OTOG: variants seen among roughly 807,000 people sequenced by gnomAD.
OTOG encodes otogelin.
In OTOG, 296 loss-of-function variants were observed where a neutral mutation model predicts 313.8. The observed-to-expected ratio is 0.94, with a 90% CI of 0.86 to 1.04. The LOEUF is 1.04. OTOG is among the 50% of genes least tolerant of loss of function. OTOG has a pLI of 0.00. For missense variants in OTOG, 3,948 were observed against 3,840.1 expected (o/e 1.03, Z -0.74); for synonymous variants, 1,533 against 1,554.9 (o/e 0.99, Z 0.33).
In OTOG at chr11:17,573,062, G is replaced by C. The variant is rs1219909719; in HGVS notation, c.2081-16G>C. 4 of 1,533,346 alleles carry C rather than the reference G, an allele frequency of 2.6e-6. No individual in the cohort carries two copies. In the African/African-American group the frequency reaches 5.5e-5, roughly 21 times the overall value. 95.0% of individuals were successfully genotyped at this position (1,533,346 alleles called of 1,614,324 possible). A position where few individuals can be genotyped will look rare whatever the true frequency, so the allele number is the denominator to read the frequency against. The stretch of plus-strand genomic sequence containing the variant: ...CGACTCCCCTGACTGCCTGGCTCCT[G>C]TTCTTCCTTCCCCAGCCTCCTACTC... On this transcript the variant is annotated splice_polypyrimidine_tract_variant and intron_variant, in intron 18 of 55. Transcript: ENST00000399397.
At chr11:17,595,575 G>C (rs1590028588) in intron 28 of OTOG, among the ~76,000 whole-genome samples, 1 of 152,284 alleles carries the variant, frequency 6.6e-6, no homozygotes, top group South Asian at 2.1e-4. Flanking sequence ...GGCTCTACTG[G>C]GGAAGGAACT....
chr11:17,611,688 G>A (rs1853553083), intron 36 of OTOG, among the ~76,000 whole-genome samples: 1 of 152,178 alleles, frequency 6.6e-6, no homozygotes, highest in Admixed American at 6.5e-5. Flanking sequence ...GTGTGAGACT[G>A]CTGTGTGTGT....
intron 40 of OTOG, among the ~76,000 whole-genome samples, chr11:17,629,714 A>G (rs1854069550): frequency 6.6e-6 from 1 of 152,202 alleles, no homozygotes; most frequent in East Asian, 1.9e-4. Context: ...TAAAGAAGAA[A>G]GGGGGCTCAG....
In OTOG at chr11:17,575,020, C is replaced by T. The variant is rs1852493777; in HGVS notation, c.2486+108C>T. 9.6e-6 allele frequency: 11 copies of T among 1,148,986 alleles called. No homozygotes were observed. The South Asian group carries it at 1.8e-4, about 19-fold the overall frequency. 71.2% of individuals were successfully genotyped at this position (1,148,986 alleles called of 1,614,324 possible). On this transcript the variant is annotated intron_variant, in intron 20 of 55. Coordinates refer to ENST00000399397, the MANE Select transcript of OTOG (RefSeq NM_001292063.2). Reference sequence around the variant, plus strand: ...CTGGGCCTCTTGTGTCCCTCCTTCCCCTCACAGTTGCAGGCCAGACCTTGG... The same window carrying T: ...CTGGGCCTCTTGTGTCCCTCCTTCCTCTCACAGTTGCAGGCCAGACCTTGG...
Position 17,596,181 on chromosome 11 carries a change from C to A in OTOG, c.3525+27C>A, listed in dbSNP as rs577296384. ...TGAGTGTACCCCAGCCTCGGCTCCT[C>A]CCGAGTGCCCCCTCCACTGTCCTGG... On this transcript the variant is annotated intron_variant, in intron 29 of 55. Coordinates refer to ENST00000399397, the MANE Select transcript of OTOG (RefSeq NM_001292063.2). 25 of 1,464,394 alleles carry A rather than the reference C, an allele frequency of 1.7e-5. No individual in the cohort carries two copies. The East Asian group carries it at 6.2e-4, about 36-fold the overall frequency. 90.7% of individuals were successfully genotyped at this position (1,464,394 alleles called of 1,614,324 possible).
At chr11:17,597,507 C>G (rs1853141342) in intron 30 of OTOG, among the ~76,000 whole-genome samples, 1 of 152,202 alleles carries the variant, frequency 6.6e-6, no homozygotes, top group African/African-American at 2.4e-5. Flanking sequence ...CAGGTCCCAT[C>G]AGAGGCAGCA....
Position 17,547,447 on chromosome 11 carries a change from C to T in OTOG, c.75C>T (p.Ser25=). The change falls in exon 1 of 56, where the codon TCC becomes TCT. Residue 25 remains serine (S), a synonymous_variant. Transcript: ENST00000399397. ...WLPWGEQAAE[S]LRVQRLAAAP... Reference sequence around the variant, plus strand: ...CCTGGGGTGAGCAGGCAGCCGAGTCCCTGCGGGTGCAGCGCCTCGGTGAGA... The same window carrying T: ...CCTGGGGTGAGCAGGCAGCCGAGTCTCTGCGGGTGCAGCGCCTCGGTGAGA... 1.4e-6 allele frequency: 2 copies of T among 1,380,794 alleles called. No homozygotes were observed. The highest frequency in any genetic ancestry group is 1.9e-6 in the Non-Finnish European group (2 of 1,072,998). The allele number at this position is 1,380,794 out of a possible 1,614,324, so 85.5% of individuals were successfully genotyped here.
rs2134029791 is a variant in OTOG at position 17,574,804 on chromosome 11, C to T, written c.2378C>T (p.Ala793Val). 6.4e-7 allele frequency: 1 copy of T among 1,550,578 alleles called. No individual in the cohort carries two copies. The highest frequency in any genetic ancestry group is 2.4e-5 in the East Asian group (1 of 40,916). ...RTCQDLASPE[A>V]CGVDGGDDLS... Reference sequence around the variant, plus strand: ...TGCCAGGACCTGGCCAGCCCTGAGGCCTGTGGGGTTGATGGTGGCGATGAC... The same window carrying T: ...TGCCAGGACCTGGCCAGCCCTGAGGTCTGTGGGGTTGATGGTGGCGATGAC... Residue 793 changes from alanine (A) to valine (V), a missense_variant, in exon 20 of 56, where the codon GCC becomes GTC. Ala to Val is a moderately conservative substitution (Grantham distance 64, BLOSUM62 0). Coordinates refer to ENST00000399397, the MANE Select transcript of OTOG (RefSeq NM_001292063.2).
Position 17,574,889 on chromosome 11 carries a change from C to T in OTOG, c.2463C>T (p.Thr821=). ...GCCCACCGGACACCTATCTGGACAC[C>T]CAGGCTGACCTCTGTGTCCCCCGGT... The part of the protein sequence containing the change: ...CACPPDTYLD[T]QADLCVPRNQ... The change falls in exon 20 of 56, where the codon ACC becomes ACT. Residue 821 remains threonine (T), a synonymous_variant. Transcript: ENST00000399397. The T allele has an allele frequency of 6.6e-7, 1 of 1,526,498 alleles. No individual in the cohort carries two copies. The highest frequency in any genetic ancestry group is 8.8e-7 in the Non-Finnish European group (1 of 1,133,370). 94.6% of individuals were successfully genotyped at this position (1,526,498 alleles called of 1,614,324 possible). A position where few individuals can be genotyped will look rare whatever the true frequency, so the allele number is the denominator to read the frequency against.
chr11:17,562,061 A>G lies in OTOG; in HGVS notation c.1644+254A>G, dbSNP rs1220078585. ...CTAAAAAAAAAATATATATATATAT[A>G]TATATATATATGTATGTATATGAAA... On this transcript the variant is annotated intron_variant, in intron 15 of 55. Transcript: ENST00000399397. Among the ~76,000 whole-genome samples the G allele has an allele frequency of 6.1e-5, 9 of 146,418 alleles. No homozygotes were observed. The East Asian group carries it at 1.8e-3, about 29-fold the overall frequency.
chr11:17,633,866 C>A lies in OTOG; in HGVS notation c.7259C>A (p.Ala2420Asp), dbSNP rs1276782666. Residue 2420 changes from alanine to aspartate, a missense_variant, in exon 43 of 56, where the codon GCC (alanine) becomes GAC (aspartate). Transcript: ENST00000399397. ...RRHSALCIPEAKCACTDSMGV... is the reference protein window; with the variant it reads ...RRHSALCIPEDKCACTDSMGV... ...CACTCTGCACTCTGCATCCCGGAGG[C>A]CAAGTGCGGTAGGTTCCTCCCCTCC... is the stretch of plus-strand genomic sequence containing the variant. The A allele has an allele frequency of 6.5e-7, 1 of 1,536,564 alleles. No homozygotes were observed. Among genetic ancestry groups the A allele is most frequent in the East Asian group, 2.5e-5 (1 of 40,776 alleles).
intron 47 of OTOG, among the ~76,000 whole-genome samples, chr11:17,638,201 G>A (rs1213871097): frequency 1.3e-5 from 2 of 152,206 alleles, no homozygotes; most frequent in Non-Finnish European, 2.9e-5. Context: ...AGATTGAGGA[G>A]GCCCAATTTA....
chr11:17,590,900 A>G (rs1852915839), intron 24 of OTOG, among the ~76,000 whole-genome samples: 1 of 152,076 alleles, frequency 6.6e-6, no homozygotes, highest in Non-Finnish European at 1.5e-5. Flanking sequence ...CAACCACCCT[A>G]TTTAAAATTG....
intron 48 of OTOG, 128 bp from the exon 49 acceptor site, chr11:17,639,295 C>T (rs997009597): frequency 1.0e-6 from 1 of 976,184 alleles, no homozygotes; most frequent in East Asian, 2.6e-5. Context: ...CCTCTCCTCT[C>T]CCAGGCCTGG....
At chr11:17,596,183 C>A in intron 29 of OTOG, 29 bp downstream of exon 29, 1 of 1,466,270 alleles carries the variant, frequency 6.8e-7, no homozygotes, top group Non-Finnish European at 9.3e-7. Flanking sequence ...CGGCTCCTCC[C>A]GAGTGCCCCC....
rs1280524986 is a variant in OTOG, at chr11:17,645,799, A to G, written c.8597A>G (p.Asn2866Ser). Residue 2866 changes from asparagine (N) to serine (S), a missense_variant, in exon 56 of 56, where the codon AAC (asparagine) becomes AGC (serine). Coordinates refer to ENST00000399397, the MANE Select transcript of OTOG (RefSeq NM_001292063.2). The part of the protein sequence containing the change: ...RCPSASIYNY[N>S]INTYARFCKC... ...CCATCCGCCAGCATCTACAACTACA[A>G]CATCAACACCTATGCCCGATTCTGC... 1 of 1,551,048 alleles carries G rather than the reference A, an allele frequency of 6.4e-7. No individual in the cohort carries two copies. The highest frequency in any genetic ancestry group is 1.2e-5 in the South Asian group (1 of 84,052).
intron 17 of OTOG, 53 bp downstream of exon 17, chr11:17,570,443 G>T: frequency 2.0e-6 from 3 of 1,523,148 alleles, no homozygotes; most frequent in Non-Finnish European, 2.7e-6. Context: ...GCCCCTTAGG[G>T]CTGGGTATCT....
intron 3 of OTOG, among the ~76,000 whole-genome samples, chr11:17,550,855 A>C (rs7119071): frequency 0.52 from 79,539 of 152,088 alleles, 20,932 homozygotes; most frequent in South Asian, 0.59. Context: ...GGACACCAAA[A>C]TCTGGCTAAG....
rs554427980 is a variant in OTOG, at chr11:17,569,161, A to G, written c.1650A>G (p.Gln550=). 2 of 1,550,640 alleles carry G rather than the reference A, an allele frequency of 1.3e-6. No individual in the cohort carries two copies. Among genetic ancestry groups the G allele is most frequent in the African/African-American group, 1.4e-5 (1 of 73,160 alleles). Residue 550 remains glutamine (Q), a synonymous_variant, in exon 16 of 56, where the codon CAA becomes CAG. Transcript: ENST00000399397. ...TGACCTTTCTATCTCTCCAGAACCAAGATGGAGCCTGTGTCCAGTCAGTGT... is the reference window on the plus strand; with the variant it reads ...TGACCTTTCTATCTCTCCAGAACCAGGATGGAGCCTGTGTCCAGTCAGTGT... ...TLQNAPCGLN[Q]DGACVQSVSV...
Sources: allele counts gnomAD v4.1 joint callset (sites outside exome capture counted in the v4.1 genomes callset), GRCh38; gene constraint gnomAD v4.1.1; transcripts MANE v1.5; gene names NCBI Gene and HGNC (gene_info 2026-07-23, HGNC 2026-07-21).